Variants in PLCB1 observed in about 807,000 individuals in gnomAD.
PLCB1 encodes the protein phospholipase C beta 1.
A neutral mutation model predicts 161.8 loss-of-function variants in PLCB1; 46 were observed. The ratio of observed to expected loss-of-function variants is 0.28; its 90% CI spans 0.22 to 0.36. The LOEUF (loss-of-function observed/expected upper bound fraction) is 0.36. Ranked by LOEUF, PLCB1 falls within the 10% of genes least tolerant of loss-of-function variation. The pLI is 1.00. For missense variants in PLCB1, 1,016 were observed against 1,472.5 expected (o/e 0.69, Z 5.07); for synonymous variants, 517 against 503.7 (o/e 1.03, Z -0.35).
chr20:8,326,982 C>A (rs1985179794), intron 2 of PLCB1, among the ~76,000 whole-genome samples: 2 of 152,212 alleles, frequency 1.3e-5, no homozygotes, highest in South Asian at 4.1e-4. Flanking sequence ...ACTTCCTGGG[C>A]TCAAGCAATT....
At chr20:8,450,789 A>G (rs1036606008) in intron 3 of PLCB1, among the ~76,000 whole-genome samples, 2 of 152,202 alleles carry the variant, frequency 1.3e-5, no homozygotes, top group Admixed American at 6.5e-5. Flanking sequence ...AGATTAGGCT[A>G]AGAAGAACTG....
intron 3 of PLCB1, among the ~76,000 whole-genome samples, chr20:8,523,496 C>CTCTCTCTCTCTCTCTCTCTATATATATA: frequency 1.4e-4 from 7 of 51,652 alleles, no homozygotes; most frequent in East Asian, 7.9e-4. Flanking sequence ...CTCTCTCTCT[C>CTCTCTCTCTCTCTCTCTCTATATATATA]TATATATATA....
At chr20:8,544,767 G>A (rs1435091002) in intron 3 of PLCB1, among the ~76,000 whole-genome samples, 1 of 152,152 alleles carries the variant, frequency 6.6e-6, no homozygotes, top group Non-Finnish European at 1.5e-5. Flanking sequence ...ATATGCTGAA[G>A]TTTTCCCCCA....
chr20:8,154,617 T>C (rs934766081), intron 2 of PLCB1, among the ~76,000 whole-genome samples: 4 of 152,220 alleles, frequency 2.6e-5, no homozygotes, highest in African/African-American at 9.6e-5. Context: ...ATAGGAAATA[T>C]TTTAATTTTT....
intron 2 of PLCB1, among the ~76,000 whole-genome samples, chr20:8,207,897 A>G (rs968259774): frequency 3.9e-5 from 6 of 152,120 alleles, no homozygotes; most frequent in African/African-American, 1.2e-4. Context: ...TGTTTCAATA[A>G]CTGCCTCCTT....
chr20:8,811,778 C>T (rs1414516988), intron 31 of PLCB1, among the ~76,000 whole-genome samples: 1 of 152,260 alleles, frequency 6.6e-6, no homozygotes, highest in Non-Finnish European at 1.5e-5. Context: ...GGCTGCTACA[C>T]TGAGGTGTCT....
At chr20:8,497,049 C>G (rs1043309202) in intron 3 of PLCB1, among the ~76,000 whole-genome samples, 1 of 152,088 alleles carries the variant, frequency 6.6e-6, no homozygotes, top group Non-Finnish European at 1.5e-5. Flanking sequence ...AATTTTAAGA[C>G]TGTTACGATT....
intron 3 of PLCB1, among the ~76,000 whole-genome samples, chr20:8,441,094 T>C (rs1980539671): frequency 6.6e-6 from 1 of 152,170 alleles, no homozygotes; most frequent in Non-Finnish European, 1.5e-5. Flanking sequence ...ATCCAGTATA[T>C]ACCCACAAAT....
intron 3 of PLCB1, among the ~76,000 whole-genome samples, chr20:8,532,961 C>T (rs1417690975): frequency 6.6e-6 from 1 of 151,634 alleles, no homozygotes; most frequent in East Asian, 1.9e-4. Flanking sequence ...GTGCTGCACC[C>T]ATTAACTCAT....
chr20:8,132,442 A>C lies in PLCB1; in HGVS notation c.-210A>C. On this transcript the variant is annotated 5_prime_UTR_variant, in exon 1 of 32. An upstream start codon of the reference 5' UTR is lost. Coordinates refer to ENST00000338037, the MANE Select transcript of PLCB1 (RefSeq NM_015192.4). The surrounding 1 kb of genome is among the most constrained non-coding windows in gnomAD (Gnocchi z 5.2). Reference sequence around the variant, plus strand: ...CCAGACCTCGCGTCCCGCCCGGGGCATGGCCGGGCGCTGCGCCCCCGCGCG... The same window carrying C: ...CCAGACCTCGCGTCCCGCCCGGGGCCTGGCCGGGCGCTGCGCCCCCGCGCG... 3.2e-6 allele frequency: 1 copy of C among 309,084 alleles called. No individual in the cohort carries two copies. The highest frequency in any genetic ancestry group is 2.2e-5 in the African/African-American group (1 of 45,454). The allele number at this position is 309,084 out of a possible 1,614,324, so 19.1% of individuals were successfully genotyped here. A position where few individuals can be genotyped will look rare whatever the true frequency, so the allele number is the denominator to read the frequency against.
rs187251879 is a variant in PLCB1 at position 8,458,974 on chromosome 20, G to A, written c.246+87524G>A. Reference sequence around the variant, plus strand: ...AGCCATGAAGAATAAAATGTGAATTGCTTGTCAGACTTTTACATAGAGGTG... The same window carrying A: ...AGCCATGAAGAATAAAATGTGAATTACTTGTCAGACTTTTACATAGAGGTG... On this transcript the variant is annotated intron_variant, in intron 3 of 31. Transcript: ENST00000338037. Among the ~76,000 whole-genome samples, 151 of 152,308 alleles carry A rather than the reference G, an allele frequency of 9.9e-4. 1 individual carries two copies. The highest frequency in any genetic ancestry group is 3.4e-3 in the African/African-American group (143 of 41,570).
chr20:8,419,186 C>CT (rs1979428900), intron 3 of PLCB1, among the ~76,000 whole-genome samples: 1 of 152,134 alleles, frequency 6.6e-6, no homozygotes, highest in South Asian at 2.1e-4. Context: ...TGGAAGTTTA[C>CT]TTGTCTTTGG....
At chr20:8,226,342 T>A (rs912968323) in intron 2 of PLCB1, among the ~76,000 whole-genome samples, 5 of 152,148 alleles carry the variant, frequency 3.3e-5, no homozygotes, top group Admixed American at 2.0e-4. Flanking sequence ...CACCTTTGCC[T>A]GGTCACCTCC....
intron 2 of PLCB1, among the ~76,000 whole-genome samples, chr20:8,189,897 G>A (rs554823217): frequency 1.3e-5 from 2 of 151,570 alleles, no homozygotes; most frequent in Admixed American, 6.6e-5. Flanking sequence ...GTTTTTCCAG[G>A]AAAAAAAATG....
chr20:8,401,880 A>G lies in PLCB1; in HGVS notation c.246+30430A>G, dbSNP rs75316723. Among the ~76,000 whole-genome samples, 1,126 of 152,308 alleles carry G rather than the reference A, an allele frequency of 7.4e-3. 13 individuals carry two copies. Among genetic ancestry groups the G allele is most frequent in the African/African-American group, 0.026 (1,078 of 41,578 alleles). ...TTCCAGTATGCCCAGGGGTGAAAGGAGAACCAGTGATTAGTGAGCTCATAA... is the reference window on the plus strand; with the variant it reads ...TTCCAGTATGCCCAGGGGTGAAAGGGGAACCAGTGATTAGTGAGCTCATAA... On this transcript the variant is annotated intron_variant, in intron 3 of 31. Coordinates refer to ENST00000338037, the MANE Select transcript of PLCB1 (RefSeq NM_015192.4).
At chr20:8,147,661 G>A (rs529581345) in intron 1 of PLCB1, among the ~76,000 whole-genome samples, 1 of 152,266 alleles carries the variant, frequency 6.6e-6, no homozygotes, top group South Asian at 2.1e-4. Context: ...AGCTGATCTT[G>A]GAATGTTAGA....
chr20:8,680,619 A>C (rs1990188069), intron 9 of PLCB1, among the ~76,000 whole-genome samples: 1 of 152,166 alleles, frequency 6.6e-6, no homozygotes, highest in Non-Finnish European at 1.5e-5. Flanking sequence ...TATGATATGC[A>C]TGTGTTTACA....
chr20:8,312,594 T>C (rs1984456864), intron 2 of PLCB1, among the ~76,000 whole-genome samples: 2 of 152,202 alleles, frequency 1.3e-5, no homozygotes, highest in South Asian at 4.1e-4. Context: ...TCTTCTTACA[T>C]GAGGCAGAAC....
chr20:8,725,702 C>T (rs1979896902), intron 16 of PLCB1, among the ~76,000 whole-genome samples: 1 of 152,118 alleles, frequency 6.6e-6, no homozygotes, highest in Non-Finnish European at 1.5e-5. Flanking sequence ...AACATCCTAG[C>T]GTAGTTATTT....
Sources: gnomAD v4.1 joint callset for allele counts (sites outside exome capture counted in the v4.1 genomes callset) on GRCh38, gnomAD v4.1.1 for gene constraint, Gnocchi (gnomAD v3.1) non-coding constraint, MANE v1.5 for transcripts, NCBI Gene and HGNC (gene_info 2026-07-23, HGNC 2026-07-21) for gene names.